ANK2: variants seen among roughly 807,000 people sequenced by gnomAD.
The protein encoded by ANK2 is ankyrin-2.
Under a neutral mutation model 360.5 loss-of-function variants are expected in ANK2, and 83 were observed. The ratio of observed to expected loss-of-function variants is 0.23; its 90% CI spans 0.19 to 0.28. ANK2 has a LOEUF of 0.28. Ranked by LOEUF, ANK2 falls within the 10% of genes least tolerant of loss-of-function variation. The pLI is 1.00. For missense variants in ANK2, 4,201 were observed against 4,795.7 expected (o/e 0.88, Z 3.66); for synonymous variants, 1,740 against 1,759.5 (o/e 0.99, Z 0.28).
chr4:113,092,476 A>C (rs2088858390), intron 1 of ANK2, among the ~76,000 whole-genome samples: 1 of 147,514 alleles, frequency 6.8e-6, no homozygotes, highest in Non-Finnish European at 1.5e-5. Context: ...TGGAAGCGGA[A>C]TTTATATTTA....
At chr4:113,221,184 G>C (rs2099147091) in intron 4 of ANK2, among the ~76,000 whole-genome samples, 1 of 152,224 alleles carries the variant, frequency 6.6e-6, no homozygotes, top group African/African-American at 2.4e-5. Flanking sequence ...TTGCAGATGG[G>C]AAGATTAGTA....
At chr4:113,090,950 C>A (rs917853567) in intron 1 of ANK2, among the ~76,000 whole-genome samples, 1 of 152,158 alleles carries the variant, frequency 6.6e-6, no homozygotes, top group Non-Finnish European at 1.5e-5. Flanking sequence ...ATGCCTCTGA[C>A]GTTTGATAAA....
chr4:112,815,825 G>A (rs1026774575), upstream of ANK2, among the ~76,000 whole-genome samples: 1 of 152,180 alleles, frequency 6.6e-6, no homozygotes, highest in African/African-American at 2.4e-5. Flanking sequence ...AAACACCACG[G>A]GGACAGAAGC....
At chr4:113,293,850 G>T (rs1351443378) in intron 22 of ANK2, among the ~76,000 whole-genome samples, 1 of 151,878 alleles carries the variant, frequency 6.6e-6, no homozygotes, top group Non-Finnish European at 1.5e-5. Context: ...CTTTAGTTGT[G>T]TGTGACACCT....
At chr4:112,807,182 CTG>C in the ANK2 span, among the ~76,000 whole-genome samples, 1 of 152,128 alleles carries the variant, frequency 6.6e-6, no homozygotes, top group Non-Finnish European at 1.5e-5. Flanking sequence ...TCTAGGCACA[CTG>C]TGCTGTGCTG....
chr4:112,786,752 T>A, the ANK2 span, among the ~76,000 whole-genome samples: 1 of 148,830 alleles, frequency 6.7e-6, no homozygotes, highest in Non-Finnish European at 1.5e-5. Flanking sequence ...CAAACTTTTT[T>A]TTTTTTTTTT....
At chr4:112,779,475 C>T in the ANK2 span, among the ~76,000 whole-genome samples, 7 of 152,016 alleles carry the variant, frequency 4.6e-5, no homozygotes, top group South Asian at 2.1e-4. Context: ...GCCAAGATTG[C>T]GCCACTGCAC....
At chr4:113,084,983 G>A (rs2083958395) in intron 1 of ANK2, among the ~76,000 whole-genome samples, 1 of 152,140 alleles carries the variant, frequency 6.6e-6, no homozygotes, top group Non-Finnish European at 1.5e-5. Flanking sequence ...TCTTTGGGTT[G>A]TTAAGGGTTA....
intron 2 of ANK2, among the ~76,000 whole-genome samples, chr4:113,010,019 G>A (rs1170797643): frequency 6.6e-6 from 1 of 152,004 alleles, no homozygotes; most frequent in Non-Finnish European, 1.5e-5. Context: ...TAGCAAATAA[G>A]AGAATAATCC....
chr4:112,833,670 A>G (rs1385227855), intron 1 of ANK2, among the ~76,000 whole-genome samples: 1 of 151,990 alleles, frequency 6.6e-6, no homozygotes, highest in Non-Finnish European at 1.5e-5. Flanking sequence ...CGCCTGGCTA[A>G]TTTTTTGTAT....
At chr4:113,177,909 T>G (rs564006250) in intron 2 of ANK2, among the ~76,000 whole-genome samples, 1 of 152,334 alleles carries the variant, frequency 6.6e-6, no homozygotes, top group East Asian at 1.9e-4. Context: ...ATACATTCAA[T>G]GCTTATACCC....
At chr4:113,134,281 CTTTT>C (rs5861124) in intron 1 of ANK2, among the ~76,000 whole-genome samples, 4,437 of 86,126 alleles carry the variant, frequency 0.052, 102 homozygotes, top group African/African-American at 0.088. Flanking sequence ...TGAAAGTTGT[CTTTT>C]TTTTTTTTTT....
At chr4:113,032,872 A>G (rs1417262914) in intron 2 of ANK2, among the ~76,000 whole-genome samples, 1 of 152,014 alleles carries the variant, frequency 6.6e-6, no homozygotes, top group Non-Finnish European at 1.5e-5. Context: ...AAGCTTTTAG[A>G]TGAAACATTC....
At chr4:113,256,005 C>CAT (rs1320961028) in intron 11 of ANK2, 73 bp downstream of exon 11, 2 of 1,504,740 alleles carry the variant, frequency 1.3e-6, no homozygotes, top group African/African-American at 2.8e-5. Context: ...GACCAACATG[C>CAT]ATACACCAGC....
chr4:112,872,874 T>A (rs181992281), intron 1 of ANK2, among the ~76,000 whole-genome samples: 1,856 of 152,258 alleles, frequency 0.012, 33 homozygotes, highest in African/African-American at 0.04. Context: ...ATTTTTTTTT[T>A]AATTACTGAA....
chr4:113,199,694 C>T (rs2098802116), intron 4 of ANK2, among the ~76,000 whole-genome samples: 1 of 151,912 alleles, frequency 6.6e-6, no homozygotes, highest in Non-Finnish European at 1.5e-5. Flanking sequence ...TGTTGTTTTG[C>T]CCAAAGCTTT....
intron 22 of ANK2, among the ~76,000 whole-genome samples, chr4:113,297,454 G>A (rs1416388060): frequency 1.3e-5 from 2 of 152,036 alleles, no homozygotes. Flanking sequence ...AATGTTTGAG[G>A]TGATGGATAT....
At chr4:112,706,971 C>T in the ANK2 span, among the ~76,000 whole-genome samples, 1 of 152,128 alleles carries the variant, frequency 6.6e-6, no homozygotes, top group African/African-American at 2.4e-5. Context: ...TTTTTCCCCC[C>T]GGCTACCATT....
At chr4:113,274,755 GACTT>G in intron 15 of ANK2, 106 bp downstream of exon 15, 1 of 1,187,748 alleles carries the variant, frequency 8.4e-7, no homozygotes, top group Non-Finnish European at 1.2e-6. Context: ...CTCAGGCCTT[GACTT>G]ACTTCCTTCT....
Sources: gnomAD v4.1 joint callset for allele counts (sites outside exome capture counted in the v4.1 genomes callset) on GRCh38, gnomAD v4.1.1 for gene constraint, MANE v1.5 for transcripts, NCBI Gene and HGNC (gene_info 2026-07-23, HGNC 2026-07-21) for gene names.